The following RPS6KC1 variants were observed in gnomAD, a reference collection of about 807,000 sequenced individuals.
RPS6KC1 encodes ribosomal protein S6 kinase C1, also known as inactive ribosomal protein S6 kinase delta-1.
Under a neutral mutation model 103.8 loss-of-function variants are expected in RPS6KC1, and 54 were observed. The ratio of observed to expected loss-of-function variants is 0.52; its 90% CI spans 0.42 to 0.65. The LOEUF (loss-of-function observed/expected upper bound fraction) is 0.65, where lower values mean the gene tolerates loss of function less well. Ranked by LOEUF, RPS6KC1 falls within the 30% of genes least tolerant of loss-of-function variation. The probability of loss-of-function intolerance (pLI) is 0.00; values close to 1 mark genes in which losing one functional copy is unlikely to be tolerated. For missense variants in RPS6KC1, 1,151 were observed against 1,253.8 expected (o/e 0.92, Z 1.24); for synonymous variants, 439 against 438.7 (o/e 1.00, Z -0.01).
At chr1:213,159,978 A>G (rs1364573429) in intron 6 of RPS6KC1, among the ~76,000 whole-genome samples, 2 of 152,248 alleles carry the variant, frequency 1.3e-5, no homozygotes, top group East Asian at 1.9e-4. Context: ...CTGACAGGTT[A>G]TTAGGCACCT....
At chr1:213,193,206 T>C (rs768985394) in intron 8 of RPS6KC1, among the ~76,000 whole-genome samples, 1 of 152,192 alleles carries the variant, frequency 6.6e-6, no homozygotes, top group Non-Finnish European at 1.5e-5. Context: ...TAAATATCTG[T>C]TAGGTCCATT....
At chr1:213,064,938 G>T (rs2078181113) in intron 1 of RPS6KC1, among the ~76,000 whole-genome samples, 1 of 145,884 alleles carries the variant, frequency 6.9e-6, no homozygotes, top group East Asian at 2.1e-4. Flanking sequence ...GCCTCCCAAA[G>T]TGCTGGGATT....
chr1:213,058,702 A>G (rs905685178), intron 1 of RPS6KC1, among the ~76,000 whole-genome samples: 1 of 152,028 alleles, frequency 6.6e-6, no homozygotes, highest in Non-Finnish European at 1.5e-5. Flanking sequence ...TGTTTCTCCA[A>G]TTTTATTCTT....
At chr1:213,128,285 A>G (rs1382780870) in intron 5 of RPS6KC1, among the ~76,000 whole-genome samples, 1 of 152,222 alleles carries the variant, frequency 6.6e-6, no homozygotes, top group Admixed American at 6.5e-5. Context: ...TTCTTTCACT[A>G]ACTTTTTTTG....
intron 8 of RPS6KC1, among the ~76,000 whole-genome samples, chr1:213,205,616 A>C (rs2093328946): frequency 7.1e-6 from 1 of 141,058 alleles, no homozygotes; most frequent in African/African-American, 2.6e-5. Context: ...GAATCAGCAT[A>C]GTATTTGATT....
At chr1:213,714,739 C>T in the RPS6KC1 span, among the ~76,000 whole-genome samples, 2 of 152,378 alleles carry the variant, frequency 1.3e-5, no homozygotes, top group Non-Finnish European at 2.9e-5. Flanking sequence ...CTCTTCTAGG[C>T]AGATTGGCTT....
At chr1:213,416,571 A>G in the RPS6KC1 span, among the ~76,000 whole-genome samples, 2 of 152,334 alleles carry the variant, frequency 1.3e-5, no homozygotes, top group Middle Eastern at 6.8e-3. Flanking sequence ...CTGTGAGTCC[A>G]GATTCACCCC....
rs543316667 is a variant in RPS6KC1 at position 213,228,559 on chromosome 1, T to TA, written c.1045-1937dup. Among the ~76,000 whole-genome samples, 361 of 147,012 alleles carry TA rather than the reference T, an allele frequency of 2.5e-3. 2 individuals are homozygous for TA. Among genetic ancestry groups the TA allele is most frequent in the Middle Eastern group, 0.021 (6 of 290 alleles). ...AGGCAATATGGTGAGACCCCTGTCTTACAAAAAAAAAAAAAATTATCCAGG... is the reference window on the plus strand; with the variant it reads ...AGGCAATATGGTGAGACCCCTGTCTTAACAAAAAAAAAAAAAATTATCCAGG... On this transcript the variant is annotated intron_variant, in intron 8 of 14. Transcript: ENST00000366960.
chr1:213,088,605 G>A (rs1193887262), intron 3 of RPS6KC1, among the ~76,000 whole-genome samples: 1 of 152,024 alleles, frequency 6.6e-6, no homozygotes, highest in African/African-American at 2.4e-5. Context: ...TGATCTGTCC[G>A]CCTCAGCCTC....
chr1:213,586,721 A>G, the RPS6KC1 span, among the ~76,000 whole-genome samples: 24 of 152,144 alleles, frequency 1.6e-4, no homozygotes, highest in South Asian at 2.1e-4. Context: ...TGGCCTCAAA[A>G]CAAGGAAGTA....
the RPS6KC1 span, among the ~76,000 whole-genome samples, chr1:213,685,813 A>T: frequency 1.3e-5 from 2 of 152,220 alleles, no homozygotes; most frequent in Admixed American, 6.5e-5. Context: ...AGTGTCTGTT[A>T]AATTGAAAAA....
the RPS6KC1 span, among the ~76,000 whole-genome samples, chr1:213,362,279 A>G: frequency 6.6e-6 from 1 of 152,194 alleles, no homozygotes; most frequent in Non-Finnish European, 1.5e-5. Context: ...ATGGAGAGTT[A>G]AAAGAAATTT....
the RPS6KC1 span, among the ~76,000 whole-genome samples, chr1:213,602,094 TTCTTTC>T: frequency 2.8e-5 from 1 of 35,254 alleles, no homozygotes; most frequent in Non-Finnish European, 4.8e-5. Context: ...CTTTCTTTCT[TTCTTTC>T]TTTCTTTCTT....
chr1:213,775,690 C>A, the RPS6KC1 span, among the ~76,000 whole-genome samples: 2 of 152,124 alleles, frequency 1.3e-5, no homozygotes, highest in Non-Finnish European at 2.9e-5. Context: ...GAAATTGGGG[C>A]AAGAGTGGCA....
the RPS6KC1 span, among the ~76,000 whole-genome samples, chr1:213,285,491 T>G: frequency 6.6e-6 from 1 of 152,124 alleles, no homozygotes; most frequent in Non-Finnish European, 1.5e-5. Flanking sequence ...ACTAAAGAAT[T>G]AAAGTTACCT....
At chr1:213,365,741 C>T in the RPS6KC1 span, among the ~76,000 whole-genome samples, 1 of 152,176 alleles carries the variant, frequency 6.6e-6, no homozygotes, top group Admixed American at 6.5e-5. Flanking sequence ...CCATATTCCA[C>T]ACCGATGTTC....
At chr1:213,190,980 G>A (rs1279414666) in intron 8 of RPS6KC1, among the ~76,000 whole-genome samples, 1 of 152,106 alleles carries the variant, frequency 6.6e-6, no homozygotes, top group Non-Finnish European at 1.5e-5. Flanking sequence ...TTATCTGTGG[G>A]TTCTCTATTC....
chr1:213,080,437 CACTTA>C (rs552296769), intron 3 of RPS6KC1, among the ~76,000 whole-genome samples: 260 of 152,272 alleles, frequency 1.7e-3, no homozygotes, highest in African/African-American at 5.9e-3. Context: ...CTCTCTTCAC[CACTTA>C]ACATTTGAAA....
At chr1:213,359,649 C>T in the RPS6KC1 span, among the ~76,000 whole-genome samples, 5 of 111,058 alleles carry the variant, frequency 4.5e-5, no homozygotes, top group Admixed American at 3.3e-4. Context: ...TTCTTCCTAG[C>T]ATCGATGGTC....
Sources: gnomAD v4.1 joint callset for allele counts (sites outside exome capture counted in the v4.1 genomes callset) on GRCh38, gnomAD v4.1.1 for gene constraint, MANE v1.5 for transcripts, NCBI Gene and HGNC (gene_info 2026-07-23, HGNC 2026-07-21) for gene names.